The following GRK3 variants were observed in gnomAD, a reference collection of about 807,000 sequenced individuals.
GRK3 encodes G protein-coupled receptor kinase 3.
Under a neutral mutation model 95.7 loss-of-function variants are expected in GRK3, and 54 were observed. The ratio of observed to expected loss-of-function variants is 0.56; its 90% CI spans 0.45 to 0.71. GRK3 has a LOEUF of 0.71. GRK3 is among the 30% of genes least tolerant of loss of function. The probability of loss-of-function intolerance (pLI) is 0.00; values close to 1 mark genes in which losing one functional copy is unlikely to be tolerated. For missense variants in GRK3, 649 were observed against 851.2 expected (o/e 0.76, Z 2.96); for synonymous variants, 281 against 290.8 (o/e 0.97, Z 0.34).
At chr22:25,693,971 A>G (rs188278602) in intron 12 of GRK3, among the ~76,000 whole-genome samples, 74 of 152,008 alleles carry the variant, frequency 4.9e-4, no homozygotes, top group Admixed American at 8.5e-4. Context: ...TTGTATTTTT[A>G]GTAGAGACGG....
At chr22:25,692,178 A>G (rs2085170333) in intron 12 of GRK3, among the ~76,000 whole-genome samples, 1 of 152,204 alleles carries the variant, frequency 6.6e-6, no homozygotes, top group African/African-American at 2.4e-5. Context: ...ATGTTACCCA[A>G]TCTGGTCTCT....
chr22:25,713,842 G>T (rs2085362575), intron 17 of GRK3, among the ~76,000 whole-genome samples: 2 of 152,138 alleles, frequency 1.3e-5, no homozygotes, highest in Non-Finnish European at 2.9e-5. Context: ...TATGTCTTGA[G>T]ATTTCTTATA....
At chr22:25,573,936 C>T (rs1931797029) in intron 1 of GRK3, among the ~76,000 whole-genome samples, 1 of 152,022 alleles carries the variant, frequency 6.6e-6, no homozygotes, top group Non-Finnish European at 1.5e-5. Context: ...ACCAACCAAC[C>T]AACCAACCAA....
At chr22:25,600,521 A>G (rs1288700052) in intron 1 of GRK3, among the ~76,000 whole-genome samples, 2 of 152,214 alleles carry the variant, frequency 1.3e-5, no homozygotes, top group Non-Finnish European at 2.9e-5. Context: ...AAATAACAAT[A>G]CAACAGTAAA....
intron 9 of GRK3, among the ~76,000 whole-genome samples, chr22:25,684,005 A>G (rs775776335): frequency 1.6e-4 from 24 of 152,192 alleles, no homozygotes; most frequent in African/African-American, 2.4e-4. Context: ...TTACACTTAA[A>G]TCTACATCAG....
intron 11 of GRK3, among the ~76,000 whole-genome samples, chr22:25,689,620 T>C (rs2085149328): frequency 6.6e-6 from 1 of 152,206 alleles, no homozygotes; most frequent in Non-Finnish European, 1.5e-5. Flanking sequence ...TGGTCAAAAT[T>C]ATATTTGGTC....
At chr22:25,686,321 A>G (rs1157502202) in intron 10 of GRK3, among the ~76,000 whole-genome samples, 1 of 152,158 alleles carries the variant, frequency 6.6e-6, no homozygotes, top group Non-Finnish European at 1.5e-5. Flanking sequence ...AGCAGCATCT[A>G]CCCTAGGTAA....
chr22:25,720,610 G>A (rs987940375), intron 19 of GRK3, among the ~76,000 whole-genome samples: 4 of 151,178 alleles, frequency 2.6e-5, no homozygotes, highest in African/African-American at 9.7e-5. Flanking sequence ...CCGAGTAGCT[G>A]GGACTACAGG....
chr22:25,582,431 CGACATTGT>C (rs1346669211), intron 1 of GRK3, among the ~76,000 whole-genome samples: 1 of 152,078 alleles, frequency 6.6e-6, no homozygotes, highest in East Asian at 1.9e-4. Context: ...CAGGAAAACT[CGACATTGT>C]GAAGATGTCA....
At chr22:25,662,861 T>C (rs189207738) in intron 4 of GRK3, among the ~76,000 whole-genome samples, 421 of 152,282 alleles carry the variant, frequency 2.8e-3, no homozygotes, top group African/African-American at 9.7e-3. Flanking sequence ...GAAGACACAA[T>C]TTGAAGTTTG....
intron 2 of GRK3, among the ~76,000 whole-genome samples, chr22:25,639,842 C>T (rs1424837205): frequency 1.3e-5 from 2 of 152,126 alleles, no homozygotes; most frequent in African/African-American, 2.4e-5. Flanking sequence ...TAATTTCTCT[C>T]AGTAACATTT....
chr22:25,675,227 T>A (rs1008443644), intron 8 of GRK3, among the ~76,000 whole-genome samples: 2 of 127,790 alleles, frequency 1.6e-5, no homozygotes, highest in African/African-American at 6.4e-5. Flanking sequence ...TCACCGACGA[T>A]GAAGTGAAGC....
chr22:25,623,586 A>G (rs2084603796), intron 2 of GRK3, among the ~76,000 whole-genome samples: 1 of 152,190 alleles, frequency 6.6e-6, no homozygotes, highest in African/African-American at 2.4e-5. Flanking sequence ...TACCTCACTA[A>G]TTATCTCCTC....
At chr22:25,587,310 G>A (rs929452353) in intron 1 of GRK3, among the ~76,000 whole-genome samples, 1 of 152,182 alleles carries the variant, frequency 6.6e-6, no homozygotes, top group East Asian at 1.9e-4. Flanking sequence ...CCTAGTCTCT[G>A]TCCTCTAATA....
intron 1 of GRK3, among the ~76,000 whole-genome samples, chr22:25,603,091 A>G (rs1356461151): frequency 2.0e-5 from 3 of 151,928 alleles, no homozygotes; most frequent in African/African-American, 7.3e-5. Context: ...TAATTTTTGT[A>G]TTTTTAGTAG....
intron 9 of GRK3, 132 bp from the exon 10 acceptor site, chr22:25,685,038 A>C (rs919300656): frequency 7.9e-6 from 5 of 631,816 alleles, no homozygotes; most frequent in Non-Finnish European, 1.4e-5. Flanking sequence ...TGTACACCAT[A>C]AATATGTACA....
At chr22:25,698,004 C>T (rs559382295) in intron 13 of GRK3, among the ~76,000 whole-genome samples, 17 of 151,392 alleles carry the variant, frequency 1.1e-4, no homozygotes, top group African/African-American at 3.2e-4. Flanking sequence ...GCATTTACTG[C>T]GTACCTGCAA....
In GRK3 at chr22:25,623,133, G is replaced by A. The variant is rs539234430; in HGVS notation, c.190+18680G>A. Among the ~76,000 whole-genome samples, 46 of 152,054 alleles carry A rather than the reference G, an allele frequency of 3.0e-4. 1 individual carries two copies. The Middle Eastern group carries it at 0.027, about 91-fold the overall frequency. On this transcript the variant is annotated intron_variant, in intron 2 of 20. Coordinates refer to ENST00000324198, the MANE Select transcript of GRK3 (RefSeq NM_005160.4). The stretch of plus-strand genomic sequence containing the variant: ...ATTTTTGTATTTTTTGTAGAGACGG[G>A]GTATCTCCATGTTGTCCAGGCTGGT...
chr22:25,670,471 G>A (rs542630498), intron 6 of GRK3, among the ~76,000 whole-genome samples: 12 of 151,800 alleles, frequency 7.9e-5, no homozygotes, highest in Admixed American at 2.6e-4. Context: ...ACTGCACTCC[G>A]GCCTGGGACA....
Sources: allele counts gnomAD v4.1 joint callset (sites outside exome capture counted in the v4.1 genomes callset), GRCh38; gene constraint gnomAD v4.1.1; transcripts MANE v1.5; gene names NCBI Gene and HGNC (gene_info 2026-07-23, HGNC 2026-07-21).